GANAB: variants seen among roughly 807,000 people sequenced by gnomAD.
GANAB encodes the protein glucosidase II alpha subunit.
In GANAB, 35 loss-of-function variants were observed where a neutral mutation model predicts 129.9. The observed-to-expected ratio is 0.27, with a 90% confidence interval of 0.21 to 0.36. GANAB has a LOEUF of 0.36. Among genes scored for constraint, GANAB ranks in the 10% least tolerant of loss-of-function variants. The pLI is 1.00. For synonymous variants in GANAB, 482 were observed against 451.8 expected, an observed-to-expected ratio of 1.07 and a Z score of -0.85; for missense variants, 939 against 1,221.0, an observed-to-expected ratio of 0.77 and a Z score of 3.44.
intron 4 of GANAB, 86 bp from the exon 5 acceptor site, chr11:62,635,086 T>C (rs1943884745): frequency 1.0e-6 from 1 of 964,856 alleles, no homozygotes; most frequent in African/African-American, 1.6e-5. Flanking sequence ...GAAATCTACC[T>C]GTTAAGAGAA....
At position 62,630,185 on chromosome 11, in the gene GANAB, G is replaced by A. The variant is rs1165068999; in HGVS notation, c.1593+12C>T. 12 of 1,591,314 alleles carry A rather than the reference G, an allele frequency of 7.5e-6. No homozygotes were observed. In the South Asian group the frequency reaches 1.3e-4, roughly 18 times the overall value. ...CAGACAGACGCAGGTCATGGGGAGAGGCCTTCCCTACCTCATAATTGTCAT... is the reference window on the plus strand; with the variant it reads ...CAGACAGACGCAGGTCATGGGGAGAAGCCTTCCCTACCTCATAATTGTCAT... On this transcript the variant is annotated intron_variant, in intron 13 of 23. Coordinates refer to ENST00000356638, the MANE Select transcript of GANAB (RefSeq NM_198334.3).
intron 15 of GANAB, 57 bp downstream of exon 15, chr11:62,629,531 G>A: frequency 8.6e-7 from 1 of 1,158,182 alleles, no homozygotes; most frequent in South Asian, 1.4e-5. Context: ...CAGGTCCATG[G>A]CTCCTGAGAT....
At chr11:62,646,335 T>C (rs1419156729) in intron 1 of GANAB, among the ~76,000 whole-genome samples, 1 of 152,092 alleles carries the variant, frequency 6.6e-6, no homozygotes, top group Non-Finnish European at 1.5e-5. Context: ...AGCTGTGGCT[T>C]TACTAAACCG....
At chr11:62,636,390 CTGGTGTT>C (rs1312527204) in intron 4 of GANAB, among the ~76,000 whole-genome samples, 1 of 150,428 alleles carries the variant, frequency 6.6e-6, no homozygotes, top group Admixed American at 6.6e-5. Context: ...CGCTTGAGCC[CTGGTGTT>C]CAAGACCAGA....
rs754383149 is a variant in GANAB, at chr11:62,632,773, G to T, written c.816-28C>A. The T allele has an allele frequency of 3.1e-6, 5 of 1,589,222 alleles. No homozygotes were observed. In the Admixed American group the frequency reaches 8.4e-5, roughly 27 times the overall value. ...GCAGGCAAACAGACAGACTTGGGCT[G>T]CTAACTGGCCCCAGGCTGCGTTATA... is the stretch of plus-strand genomic sequence containing the variant. On this transcript the variant is annotated intron_variant, in intron 8 of 23. Coordinates refer to ENST00000356638, the MANE Select transcript of GANAB (RefSeq NM_198334.3).
chr11:62,628,813 G>A lies in GANAB; in HGVS notation c.2136C>T (p.Tyr712=), dbSNP rs144286539. The A allele has an allele frequency of 1.9e-6, 3 of 1,614,038 alleles. No homozygotes were observed. The highest frequency in any genetic ancestry group is 1.3e-5 in the African/African-American group (1 of 75,024). Residue 712 remains tyrosine, a synonymous_variant, in exon 17 of 24, where the codon TAC becomes TAT. Coordinates refer to ENST00000356638, the MANE Select transcript of GANAB (RefSeq NM_198334.3). ...CCCGATGGGCCTGATATAAGAGGGTGTACCAGAAGGGCAGCAAAGAATATC... is the reference window on the plus strand; with the variant it reads ...CCCGATGGGCCTGATATAAGAGGGTATACCAGAAGGGCAGCAAAGAATATC... ...GQRYSLLPFW[Y]TLLYQAHREG...
At chr11:62,644,885 A>C (rs1944409532) in intron 1 of GANAB, among the ~76,000 whole-genome samples, 1 of 152,130 alleles carries the variant, frequency 6.6e-6, no homozygotes, top group African/African-American at 2.4e-5. Flanking sequence ...AGGTAACTAA[A>C]GACAGGGTCT....
intron 2 of GANAB, 36 bp from the exon 3 acceptor site, chr11:62,639,503 C>A (rs778252418): frequency 7.8e-6 from 12 of 1,529,462 alleles, no homozygotes; most frequent in Non-Finnish European, 1.8e-6. Flanking sequence ...AGGTAAAGGC[C>A]ACCTGCAATG....
intron 9 of GANAB, among the ~76,000 whole-genome samples, chr11:62,632,102 T>C (rs1303998018): frequency 6.6e-6 from 1 of 151,602 alleles, no homozygotes; most frequent in East Asian, 1.9e-4. Context: ...GCCTCCCGAA[T>C]AGCTGGGATT....
chr11:62,640,694 G>C (rs1021430834), intron 1 of GANAB, among the ~76,000 whole-genome samples: 2 of 151,646 alleles, frequency 1.3e-5, no homozygotes, highest in Admixed American at 1.3e-4. Flanking sequence ...TTATCCAGGC[G>C]TGGTGGTGGG....
chr11:62,639,570 T>A, intron 2 of GANAB, 57 bp downstream of exon 2: 1 of 1,447,922 alleles, frequency 6.9e-7, no homozygotes. Flanking sequence ...GCCACAGATA[T>A]CTCCCACATT....
At chr11:62,645,262 C>T (rs1284290855) in intron 1 of GANAB, among the ~76,000 whole-genome samples, 1 of 152,086 alleles carries the variant, frequency 6.6e-6, no homozygotes, top group Non-Finnish European at 1.5e-5. Flanking sequence ...TGAGGCCGGG[C>T]GCGGTGGCTC....
intron 5 of GANAB, chr11:62,633,821 A>C: frequency 2.0e-6 from 1 of 490,286 alleles, no homozygotes; most frequent in East Asian, 3.7e-5. Context: ...TATGAATGCC[A>C]ATCCTGGCTC....
intron 1 of GANAB, among the ~76,000 whole-genome samples, chr11:62,646,027 C>A (rs1401596027): frequency 6.6e-6 from 1 of 152,222 alleles, no homozygotes; most frequent in Non-Finnish European, 1.5e-5. Context: ...CCGTGCCCAG[C>A]GACCGTGGAC....
chr11:62,629,138 C>A (rs1943541640), intron 16 of GANAB, 56 bp downstream of exon 16: 88 of 1,535,760 alleles, frequency 5.7e-5, no homozygotes, highest in Non-Finnish European at 7.9e-5. Context: ...GGTCCTGTGC[C>A]CTCTACTTTG....
intron 1 of GANAB, 182 bp from the exon 2 acceptor site, chr11:62,639,913 G>T: frequency 1.7e-6 from 1 of 583,776 alleles, no homozygotes; most frequent in Middle Eastern, 4.5e-4. Context: ...TCAGGCCTGA[G>T]AAGTTGGCTC....
At chr11:62,642,273 T>C (rs1267427220) in intron 1 of GANAB, among the ~76,000 whole-genome samples, 1 of 152,074 alleles carries the variant, frequency 6.6e-6, no homozygotes, top group Non-Finnish European at 1.5e-5. Context: ...CAGGCTGGTC[T>C]TAAACTCCTG....
At chr11:62,645,493 G>A (rs2956995) in intron 1 of GANAB, among the ~76,000 whole-genome samples, 94,917 of 149,230 alleles carry the variant, frequency 0.64, 30,602 homozygotes, top group East Asian at 0.92. Flanking sequence ...CCGAGATCTC[G>A]CCACTGCACT....
chr11:62,626,224 A>C, intron 22 of GANAB, 59 bp from the exon 23 acceptor site: 2 of 1,389,290 alleles, frequency 1.4e-6, no homozygotes, highest in Non-Finnish European at 2.1e-6. Flanking sequence ...AGAAGGAAGG[A>C]GGAGACCCAA....
Sources: allele counts gnomAD v4.1 joint callset (sites outside exome capture counted in the v4.1 genomes callset), GRCh38; gene constraint gnomAD v4.1.1; transcripts MANE v1.5; gene names NCBI Gene and HGNC (gene_info 2026-07-23, HGNC 2026-07-21).